The following SLCO3A1 variants were observed in gnomAD, a reference collection of about 807,000 sequenced individuals.
SLCO3A1 encodes solute carrier organic anion transporter family member 3A1, also known as PGE1 transporter.
Under a neutral mutation model 63.1 loss-of-function variants are expected in SLCO3A1, and 27 were observed. The observed-to-expected ratio is 0.43, with a 90% confidence interval of 0.32 to 0.59. The LOEUF (loss-of-function observed/expected upper bound fraction) is 0.59. Ranked by LOEUF, SLCO3A1 falls within the 20% of genes least tolerant of loss-of-function variation. The pLI, the probability that SLCO3A1 is intolerant of heterozygous loss-of-function variation, is 0.09. For missense variants in SLCO3A1, 773 were observed against 945.8 expected, an observed-to-expected ratio of 0.82 and a Z score of 2.40; for synonymous variants, 473 against 409.9, an observed-to-expected ratio of 1.15 and a Z score of -1.86.
chr15:92,011,002 T>C (rs528505209), intron 2 of SLCO3A1, among the ~76,000 whole-genome samples: 2 of 152,314 alleles, frequency 1.3e-5, no homozygotes, highest in South Asian at 2.1e-4. Flanking sequence ...GCGATCCTGC[T>C]AAAACCCAAG....
intron 4 of SLCO3A1, among the ~76,000 whole-genome samples, chr15:92,104,777 C>G (rs1403100059): frequency 1.3e-5 from 2 of 151,980 alleles, no homozygotes; most frequent in Admixed American, 6.5e-5. Flanking sequence ...TTAAAGGGAC[C>G]CAGTGGTTAA....
chr15:91,935,820 T>C (rs1899393200), intron 2 of SLCO3A1, among the ~76,000 whole-genome samples: 1 of 150,764 alleles, frequency 6.6e-6, no homozygotes, highest in Non-Finnish European at 1.5e-5. Context: ...CTTGGAGTTG[T>C]TTTTTTTTCT....
intron 2 of SLCO3A1, among the ~76,000 whole-genome samples, chr15:92,003,467 A>G (rs906550400): frequency 6.6e-6 from 1 of 152,214 alleles, no homozygotes; most frequent in Non-Finnish European, 1.5e-5. Context: ...CTCAGCATCT[A>G]TCAACAGATC....
At chr15:92,034,024 A>T (rs1414516310) in intron 2 of SLCO3A1, among the ~76,000 whole-genome samples, 1 of 146,750 alleles carries the variant, frequency 6.8e-6, no homozygotes, top group Non-Finnish European at 1.6e-5. Context: ...CATTGGGCTG[A>T]TCTTGGCTTT....
chr15:91,926,596 T>TGTGTGTGTGTGCGCGCGCGCGCGC, intron 2 of SLCO3A1, among the ~76,000 whole-genome samples: 12 of 105,250 alleles, frequency 1.1e-4, no homozygotes, highest in African/African-American at 4.4e-4. Context: ...TGTGTGTGTG[T>TGTGTGTGTGTGCGCGCGCGCGCGC]GCGCGCGCGC....
At position 92,164,721 on chromosome 15, in the gene SLCO3A1, G is replaced by T; in HGVS notation, c.*1586G>T. 2 of 985,400 alleles carry T rather than the reference G, an allele frequency of 2.0e-6. No individual in the cohort carries two copies. Among genetic ancestry groups the T allele is most frequent in the Non-Finnish European group, 2.4e-6 (2 of 829,934 alleles). 61.0% of individuals were successfully genotyped at this position (985,400 alleles called of 1,614,324 possible). A position where few individuals can be genotyped will look rare whatever the true frequency, so the allele number is the denominator to read the frequency against. ...TAGTCTTGAACTAAGGCCCTTGTCT[G>T]TGTGTTTTGAAGGTGGGTGAACCTC... On this transcript the variant is annotated 3_prime_UTR_variant, in exon 10 of 10. Coordinates refer to ENST00000318445, the MANE Select transcript of SLCO3A1 (RefSeq NM_013272.4).
chr15:92,070,400 T>C (rs1345804476), intron 2 of SLCO3A1, among the ~76,000 whole-genome samples: 1 of 152,220 alleles, frequency 6.6e-6, no homozygotes, highest in Non-Finnish European at 1.5e-5. Context: ...CGCAGCACTT[T>C]GGGAGGCCAA....
chr15:91,908,151 T>C (rs1364088396), intron 1 of SLCO3A1, among the ~76,000 whole-genome samples: 1 of 152,124 alleles, frequency 6.6e-6, no homozygotes, highest in Non-Finnish European at 1.5e-5. Flanking sequence ...CCTTGTCTCA[T>C]ATTACCCAGT....
intron 2 of SLCO3A1, among the ~76,000 whole-genome samples, chr15:92,086,097 G>C (rs1284457575): frequency 6.6e-6 from 1 of 152,188 alleles, no homozygotes; most frequent in Non-Finnish European, 1.5e-5. Context: ...CGCATTCTTG[G>C]ATGCTTCTCC....
At chr15:92,076,645 C>T (rs1425146887) in intron 2 of SLCO3A1, among the ~76,000 whole-genome samples, 2 of 152,178 alleles carry the variant, frequency 1.3e-5, no homozygotes, top group African/African-American at 2.4e-5. Context: ...GCTCACGGGC[C>T]TCCTTGGACA....
intron 2 of SLCO3A1, among the ~76,000 whole-genome samples, chr15:92,059,438 C>T (rs1194694345): frequency 1.3e-5 from 2 of 152,210 alleles, no homozygotes; most frequent in Non-Finnish European, 2.9e-5. Flanking sequence ...TCACATTCCC[C>T]ATGCTTCTTC....
chr15:92,169,159 C>T (rs2048508395), downstream of SLCO3A1, among the ~76,000 whole-genome samples: 1 of 152,156 alleles, frequency 6.6e-6, no homozygotes, highest in Non-Finnish European at 1.5e-5. Flanking sequence ...CAACCATAAC[C>T]CTGTGAGGTA....
chr15:92,110,684 C>T (rs1041946130), intron 4 of SLCO3A1, among the ~76,000 whole-genome samples: 1 of 151,634 alleles, frequency 6.6e-6, no homozygotes, highest in Non-Finnish European at 1.5e-5. Context: ...GAATAATTGT[C>T]CTTTATTCAC....
Position 92,086,827 on chromosome 15 carries a change from T to C in SLCO3A1, c.647-8054T>C, listed in dbSNP as rs563717430. Among the ~76,000 whole-genome samples the C allele has an allele frequency of 2.6e-5, 4 of 152,000 alleles. No individual in the cohort carries two copies. The South Asian group carries it at 8.3e-4, about 32-fold the overall frequency. ...CCCGTCTCTACTAAAAATACAAAAA[T>C]TAGCCAGGCATGGTGCCACACGCCT... is the stretch of plus-strand genomic sequence containing the variant. On this transcript the variant is annotated intron_variant, in intron 2 of 9. Coordinates refer to ENST00000318445, the MANE Select transcript of SLCO3A1 (RefSeq NM_013272.4).
At position 91,941,473 on chromosome 15, in the gene SLCO3A1, A is replaced by G. The variant is rs1416325705; in HGVS notation, c.646+25015A>G. On this transcript the variant is annotated intron_variant, in intron 2 of 9. Transcript: ENST00000318445. This position sits in a 1 kb window ranked among gnomAD's most constrained non-coding sequence, Gnocchi z 4.4. ...GTTCCTTTGGCCTTAGGGAAGGACA[A>G]ACTTCAACTCTGAGCCTTGATTGAG... The G allele has an allele frequency of 1.1e-5, 5 of 451,720 alleles. No individual in the cohort carries two copies. The highest frequency in any genetic ancestry group is 2.2e-5 in the Non-Finnish European group (5 of 225,408). The allele number at this position is 451,720 out of a possible 1,614,324, so 28.0% of individuals were successfully genotyped here.
At chr15:91,926,511 G>A (rs894903775) in intron 2 of SLCO3A1, among the ~76,000 whole-genome samples, 1 of 135,992 alleles carries the variant, frequency 7.4e-6, no homozygotes. Context: ...AAATAAATGA[G>A]TATGTTCCAT....
At chr15:92,043,552 T>A (rs1028177428) in intron 2 of SLCO3A1, among the ~76,000 whole-genome samples, 1 of 152,234 alleles carries the variant, frequency 6.6e-6, no homozygotes, top group Non-Finnish European at 1.5e-5. Context: ...CATGCTTTGA[T>A]ACCTTTTTGT....
intron 4 of SLCO3A1, among the ~76,000 whole-genome samples, chr15:92,120,129 C>T (rs988820273): frequency 6.6e-6 from 1 of 151,986 alleles, no homozygotes; most frequent in Non-Finnish European, 1.5e-5. Flanking sequence ...ACCCCAAACC[C>T]TCTGTTAGTA....
chr15:91,956,782 CT>C (rs750285182), intron 2 of SLCO3A1, among the ~76,000 whole-genome samples: 460 of 122,380 alleles, frequency 3.8e-3, no homozygotes, highest in Middle Eastern at 0.012. Flanking sequence ...GCCTTGCCTT[CT>C]TTTTTTTTTT....
Sources: gnomAD v4.1 joint callset for allele counts (sites outside exome capture counted in the v4.1 genomes callset) on GRCh38, gnomAD v4.1.1 for gene constraint, Gnocchi (gnomAD v3.1) non-coding constraint, MANE v1.5 for transcripts, NCBI Gene and HGNC (gene_info 2026-07-23, HGNC 2026-07-21) for gene names.